RARB: variants seen among roughly 807,000 people sequenced by gnomAD.
RARB encodes the protein HBV-activated protein.
RARB carries 17 observed loss-of-function variants against 51.9 expected under a neutral mutation model. The observed-to-expected ratio is 0.33, with a 90% CI of 0.22 to 0.49. The LOEUF (loss-of-function observed/expected upper bound fraction) is 0.49, where lower values mean the gene tolerates loss of function less well. RARB is among the 20% of genes least tolerant of loss of function. RARB has a pLI of 0.99. For synonymous variants in RARB, 215 were observed against 195.4 expected (o/e 1.10, Z -0.84); for missense variants, 369 against 550.8 (o/e 0.67, Z 3.30).
chr3:24,969,258 C>A (rs1048275212), intron 2 of RARB, among the ~76,000 whole-genome samples: 15 of 152,092 alleles, frequency 9.9e-5, no homozygotes, highest in African/African-American at 3.4e-4. Flanking sequence ...AAAGTACCTT[C>A]CCTTTACAGC....
chr3:24,943,104 GTT>G (rs1559405645), intron 2 of RARB, among the ~76,000 whole-genome samples: 1 of 152,184 alleles, frequency 6.6e-6, no homozygotes, highest in Non-Finnish European at 1.5e-5. Flanking sequence ...CACCAAGACA[GTT>G]TCTTGACTTA....
At chr3:25,305,234 G>A (rs11926816) in intron 5 of RARB, among the ~76,000 whole-genome samples, 7,712 of 152,114 alleles carry the variant, frequency 0.051, 508 homozygotes, top group African/African-American at 0.15. Context: ...GTTTGCAAAT[G>A]TATCAGTGTG....
intron 5 of RARB, among the ~76,000 whole-genome samples, chr3:25,216,172 C>G (rs1460701967): frequency 6.6e-6 from 1 of 152,150 alleles, no homozygotes; most frequent in Non-Finnish European, 1.5e-5. Context: ...CTAGATGTTA[C>G]CAGACAGCCA....
chr3:25,316,974 G>A (rs929454124), intron 5 of RARB, among the ~76,000 whole-genome samples: 8 of 152,042 alleles, frequency 5.3e-5, no homozygotes, highest in African/African-American at 1.9e-4. Context: ...GCCAACCAAG[G>A]TCCTCTGCTT....
At chr3:24,883,320 A>T (rs896240855) in intron 2 of RARB, among the ~76,000 whole-genome samples, 1 of 150,360 alleles carries the variant, frequency 6.7e-6, no homozygotes. Context: ...ATTCACATTT[A>T]CTTGGGCATG....
At chr3:25,080,418 C>A (rs531535801) in intron 3 of RARB, among the ~76,000 whole-genome samples, 1 of 152,158 alleles carries the variant, frequency 6.6e-6, no homozygotes, top group African/African-American at 2.4e-5. Flanking sequence ...TGTTTATGTC[C>A]CTGCTCTCAA....
intron 4 of RARB, among the ~76,000 whole-genome samples, chr3:25,574,333 C>T (rs1247589746): frequency 6.6e-6 from 1 of 152,214 alleles, no homozygotes. Flanking sequence ...AAACATCCAC[C>T]TCCTGCCTGG....
chr3:25,312,576 G>C (rs953987937), intron 5 of RARB, among the ~76,000 whole-genome samples: 2 of 152,188 alleles, frequency 1.3e-5, no homozygotes, highest in African/African-American at 4.8e-5. Context: ...TAGTGAGTGA[G>C]AGCTCACTCT....
At chr3:25,427,860 A>G (rs1708039165), upstream of RARB, among the ~76,000 whole-genome samples, 1 of 152,146 alleles carries the variant, frequency 6.6e-6, no homozygotes, top group Admixed American at 6.5e-5. Flanking sequence ...AGAGGAATTT[A>G]AAGTGTGGGC....
At chr3:24,870,512 A>G (rs1271381128) in intron 2 of RARB, among the ~76,000 whole-genome samples, 1 of 151,924 alleles carries the variant, frequency 6.6e-6, no homozygotes, top group East Asian at 1.9e-4. Context: ...TTTGTTTAAT[A>G]TTTCTTTATA....
intron 5 of RARB, among the ~76,000 whole-genome samples, chr3:25,318,460 G>C (rs1575308236): frequency 6.6e-6 from 1 of 152,150 alleles, no homozygotes; most frequent in African/African-American, 2.4e-5. Flanking sequence ...GTACTAAAAT[G>C]GATGGTGTAT....
At chr3:25,219,701 G>A (rs576397359) in intron 5 of RARB, among the ~76,000 whole-genome samples, 1 of 152,200 alleles carries the variant, frequency 6.6e-6, no homozygotes, top group South Asian at 2.1e-4. Context: ...GCTATTTTCT[G>A]GACAATTGAG....
intron 2 of RARB, among the ~76,000 whole-genome samples, chr3:24,932,278 C>G (rs761169359): frequency 6.6e-4 from 100 of 152,054 alleles, no homozygotes; most frequent in Non-Finnish European, 1.0e-3. Context: ...AGTCACCATC[C>G]TAAAACTGGA....
chr3:25,049,741 A>G (rs1698289154), intron 2 of RARB, among the ~76,000 whole-genome samples: 1 of 152,268 alleles, frequency 6.6e-6, no homozygotes, highest in African/African-American at 2.4e-5. Context: ...GTTTGAAGAT[A>G]CAACTAATCC....
chr3:25,411,638 A>G (rs747690158), intron 5 of RARB, among the ~76,000 whole-genome samples: 1 of 152,204 alleles, frequency 6.6e-6, no homozygotes, highest in Non-Finnish European at 1.5e-5. Context: ...TCTCCCAGAC[A>G]CTCAAATCGC....
At chr3:25,362,482 C>T (rs929793473) in intron 5 of RARB, among the ~76,000 whole-genome samples, 4 of 152,140 alleles carry the variant, frequency 2.6e-5, no homozygotes, top group Admixed American at 6.5e-5. Flanking sequence ...GGGGAGTGAA[C>T]GGTTCTGTCT....
intron 5 of RARB, among the ~76,000 whole-genome samples, chr3:25,256,180 T>A (rs1237539023): frequency 1.3e-5 from 2 of 152,168 alleles, no homozygotes; most frequent in Non-Finnish European, 2.9e-5. Context: ...ACACCTATTG[T>A]ATACTCGTCA....
chr3:25,001,042 T>C (rs1055640023), intron 2 of RARB, among the ~76,000 whole-genome samples: 3 of 151,964 alleles, frequency 2.0e-5, no homozygotes, highest in African/African-American at 7.2e-5. Context: ...AAAGTAAATA[T>C]TTGTAAGTAG....
intron 2 of RARB, among the ~76,000 whole-genome samples, chr3:24,996,685 T>TGGCCTCATCAGAGCATGCAGG (rs1697047281): frequency 6.6e-6 from 1 of 151,466 alleles, no homozygotes; most frequent in Admixed American, 6.6e-5. Context: ...ATATTTAAAT[T>TGGCCTCATCAGAGCATGCAGG]TCATGCATAA....
Sources: allele counts gnomAD v4.1 joint callset (sites outside exome capture counted in the v4.1 genomes callset), GRCh38; gene constraint gnomAD v4.1.1; transcripts MANE v1.5; gene names NCBI Gene and HGNC (gene_info 2026-07-23, HGNC 2026-07-21).